The following DIP2C variants were observed in gnomAD, a reference collection of about 807,000 sequenced individuals.
DIP2C encodes the protein disco-interacting protein 2 homolog C.
DIP2C carries 33 observed loss-of-function variants against 192.4 expected under a neutral mutation model. The observed-to-expected ratio is 0.17, with a 90% CI of 0.13 to 0.23. The LOEUF is 0.23. Ranked by LOEUF, DIP2C falls within the 10% of genes least tolerant of loss-of-function variation. The pLI, the probability that DIP2C is intolerant of heterozygous loss-of-function variation, is 1.00. For synonymous variants in DIP2C, 979 were observed against 864.1 expected, an observed-to-expected ratio of 1.13 and a Z score of -2.33; for missense variants, 1,537 against 2,110.1, an observed-to-expected ratio of 0.73 and a Z score of 5.32.
In DIP2C at chr10:417,969, AGGGCTCGGATAGGCCTCCCTGTCCAC is replaced by A. The variant is rs1564686304; in HGVS notation, c.739+1070_739+1095del. On this transcript the variant is annotated intron_variant, in intron 6 of 36. Transcript: ENST00000280886. ...GCCTCCCTGTCCACCTGCACCTGTC[AGGGCTCGGATAGGCCTCCCTGTCCAC>A]CTGCACCTGTCAGGGCGCGGACAGG... Among the ~76,000 whole-genome samples, 34 of 105,542 alleles carry A rather than the reference AGGGCTCGGATAGGCCTCCCTGTCCAC, an allele frequency of 3.2e-4. 7 individuals are homozygous for A. Among genetic ancestry groups the A allele is most frequent in the African/African-American group, 1.3e-3 (32 of 24,986 alleles). The allele number at this position is 105,542 out of a possible 152,430, so 69.2% of individuals were successfully genotyped here.
intron 1 of DIP2C, among the ~76,000 whole-genome samples, chr10:543,128 G>T (rs1364627380): frequency 6.6e-6 from 1 of 152,228 alleles, no homozygotes; most frequent in Non-Finnish European, 1.5e-5. Flanking sequence ...GATACAACTG[G>T]ACAGCAGTGA....
At position 639,489 on chromosome 10, in the gene DIP2C, AGGCTGTCAGGGTGCTGCCC is replaced by A. The variant is rs1386676120; in HGVS notation, c.85+49986_85+50004del. Among the ~76,000 whole-genome samples, 4 of 150,074 alleles carry A rather than the reference AGGCTGTCAGGGTGCTGCCC, an allele frequency of 2.7e-5. No individual in the cohort carries two copies. The East Asian group carries it at 7.7e-4, about 29-fold the overall frequency. ...CACGGTCCACACATGGGGATGTGTC[AGGCTGTCAGGGTGCTGCCC>A]GGCTCTCAGTATCAGCCGCATATGC... On this transcript the variant is annotated intron_variant, in intron 1 of 36. Coordinates refer to ENST00000280886, the MANE Select transcript of DIP2C (RefSeq NM_014974.3).
chr10:518,980 G>A (rs1363582770), intron 1 of DIP2C, among the ~76,000 whole-genome samples: 4 of 152,230 alleles, frequency 2.6e-5, no homozygotes, highest in Admixed American at 6.5e-5. Flanking sequence ...CTCTGCATCT[G>A]CACTGGGTCC....
chr10:317,619 C>A (rs945499880), intron 31 of DIP2C, among the ~76,000 whole-genome samples: 1 of 152,128 alleles, frequency 6.6e-6, no homozygotes, highest in Non-Finnish European at 1.5e-5. Flanking sequence ...TCTGTGACTG[C>A]GATAGAGAAT....
At chr10:346,425 T>C (rs138848130) in intron 26 of DIP2C, among the ~76,000 whole-genome samples, 223 of 1,462 alleles carry the variant, frequency 0.15, 45 homozygotes, top group Non-Finnish European at 0.27. Flanking sequence ...ACATATCGCG[T>C]ATAGTTCTCC....
intron 1 of DIP2C, among the ~76,000 whole-genome samples, chr10:514,850 A>G (rs1484630521): frequency 1.3e-5 from 2 of 152,134 alleles, no homozygotes; most frequent in African/African-American, 4.8e-5. Flanking sequence ...TGCTTGGAGG[A>G]TTTATTCCCA....
chr10:288,335 A>C (rs1444923931), intron 33 of DIP2C, 29 bp downstream of exon 33: 3 of 1,605,726 alleles, frequency 1.9e-6, no homozygotes, highest in Non-Finnish European at 2.6e-6. Context: ...ACGGATACAG[A>C]AATGCGTGCC....
Position 418,016 on chromosome 10 carries a change from A to ATAGG in DIP2C, c.739+1048_739+1049insCCTA, listed in dbSNP as rs1425630598. Among the ~76,000 whole-genome samples the ATAGG allele has an allele frequency of 6.3e-5, 5 of 79,836 alleles. 2 individuals are homozygous for ATAGG. Among genetic ancestry groups the ATAGG allele is most frequent in the Admixed American group, 2.2e-4 (2 of 8,930 alleles). 52.4% of individuals were successfully genotyped at this position (79,836 alleles called of 152,430 possible). A position where few individuals can be genotyped will look rare whatever the true frequency, so the allele number is the denominator to read the frequency against. ...TCCACCTGCACCTGTCAGGGCGCGG[A>ATAGG]CAGGCCTCCCTGTCCACCTGTTCCT... On this transcript the variant is annotated intron_variant, in intron 6 of 36. Transcript: ENST00000280886.
intron 1 of DIP2C, chr10:650,916 T>C (rs1429262963): frequency 1.4e-6 from 1 of 717,344 alleles, no homozygotes; most frequent in Non-Finnish European, 2.6e-6. Context: ...GCTGAGGGTG[T>C]GTCCATGCAG....
chr10:420,237 G>C (rs900972030), intron 5 of DIP2C, among the ~76,000 whole-genome samples: 4 of 152,380 alleles, frequency 2.6e-5, no homozygotes, highest in South Asian at 2.1e-4. Context: ...ACAGGACACA[G>C]AAGATCGAGG....
At chr10:489,434 G>A (rs955255863) in intron 1 of DIP2C, among the ~76,000 whole-genome samples, 16 of 152,264 alleles carry the variant, frequency 1.1e-4, no homozygotes, top group African/African-American at 3.9e-4. Context: ...GTGGTGGGAG[G>A]TGAGAGACTG....
intron 9 of DIP2C, among the ~76,000 whole-genome samples, chr10:405,588 A>C (rs1964744846): frequency 6.6e-6 from 1 of 152,172 alleles, no homozygotes; most frequent in South Asian, 2.1e-4. Flanking sequence ...TCAGTCACAA[A>C]TCCTGTTGTA....
chr10:496,635 T>C (rs1275792165), intron 1 of DIP2C, among the ~76,000 whole-genome samples: 1 of 151,602 alleles, frequency 6.6e-6, no homozygotes, highest in Non-Finnish European at 1.5e-5. Flanking sequence ...ACATGAGTGC[T>C]GAGTGCACAG....
chr10:435,408 GCTT>G (rs1967098649), intron 4 of DIP2C, among the ~76,000 whole-genome samples: 1 of 152,202 alleles, frequency 6.6e-6, no homozygotes, highest in Non-Finnish European at 1.5e-5. Flanking sequence ...ACCTGGTTGA[GCTT>G]CTGATGGTAC....
In DIP2C at chr10:541,775, G is replaced by A. The variant is rs142655124; in HGVS notation, c.86-55245C>T. ...ACCCATCTCTCCTGGACCCCACAGC[G>A]TGACCCTTCACCTGACCACACCTGT... On this transcript the variant is annotated intron_variant, in intron 1 of 36. Transcript: ENST00000280886. 5.0e-3 allele frequency among the ~76,000 whole-genome samples: 751 copies of A among 149,940 alleles called. 5 individuals carry two copies. Among genetic ancestry groups the A allele is most frequent in the African/African-American group, 0.017 (704 of 40,320 alleles).
intron 1 of DIP2C, among the ~76,000 whole-genome samples, chr10:611,042 CG>C (rs1853067194): frequency 2.7e-5 from 3 of 110,866 alleles, no homozygotes; most frequent in Admixed American, 9.3e-5. Context: ...GACTGACTCA[CG>C]GGGGTGCTTT....
intron 2 of DIP2C, among the ~76,000 whole-genome samples, chr10:474,933 T>C (rs538982272): frequency 6.6e-6 from 1 of 152,210 alleles, no homozygotes; most frequent in South Asian, 2.1e-4. Context: ...ATTCCTTTCT[T>C]TTCTCCCTCG....
intron 1 of DIP2C, among the ~76,000 whole-genome samples, chr10:558,156 TCCCCA>T (rs1228463890): frequency 6.6e-6 from 1 of 152,154 alleles, no homozygotes; most frequent in Non-Finnish European, 1.5e-5. Context: ...GCCACGCTGT[TCCCCA>T]AATACTAACT....
At chr10:604,075 G>C (rs1033798828) in intron 1 of DIP2C, among the ~76,000 whole-genome samples, 1 of 125,654 alleles carries the variant, frequency 8.0e-6, no homozygotes, top group Non-Finnish European at 1.6e-5. Flanking sequence ...CTCATCCTCA[G>C]GTCTCCTCTG....
Sources: gnomAD v4.1 joint callset for allele counts (sites outside exome capture counted in the v4.1 genomes callset) on GRCh38, gnomAD v4.1.1 for gene constraint, MANE v1.5 for transcripts, NCBI Gene and HGNC (gene_info 2026-07-23, HGNC 2026-07-21) for gene names.